Variants in ZNF507 observed in about 807,000 individuals in gnomAD.
ZNF507 encodes the protein zinc finger protein 507.
ZNF507 carries 29 observed loss-of-function variants against 80.0 expected under a neutral mutation model. The observed-to-expected ratio is 0.36, with a 90% CI of 0.27 to 0.49. ZNF507 has a LOEUF of 0.49. Ranked by LOEUF, ZNF507 falls within the 20% of genes least tolerant of loss-of-function variation. The pLI is 0.98. For missense variants in ZNF507, 1,081 were observed against 1,152.2 expected (o/e 0.94, Z 0.90); for synonymous variants, 462 against 422.5 (o/e 1.09, Z -1.15).
chr19:32,372,347 G>A (rs561429858), intron 5 of ZNF507, among the ~76,000 whole-genome samples: 2 of 152,164 alleles, frequency 1.3e-5, no homozygotes, highest in East Asian at 3.9e-4. Context: ...TCAGAAAAGG[G>A]TTTAAATAAA....
At chr19:32,364,379 T>C (rs1967368863) in intron 5 of ZNF507, among the ~76,000 whole-genome samples, 1 of 152,202 alleles carries the variant, frequency 6.6e-6, no homozygotes, top group Non-Finnish European at 1.5e-5. Flanking sequence ...AGGTGGTGTT[T>C]GGTTACATGA....
In ZNF507 at chr19:32,353,235, A is replaced by G. The variant is rs756844799; in HGVS notation, c.405A>G (p.Ser135=). 1.9e-6 allele frequency: 3 copies of G among 1,614,206 alleles called. No individual in the cohort carries two copies. Among genetic ancestry groups the G allele is most frequent in the East Asian group, 2.2e-5 (1 of 44,888 alleles). Reference sequence around the variant, plus strand: ...GTAGCCTTTGTAAGTTTCTATCATCATCCTTTTCCGTGTTAAAAGATCATA... The same window carrying G: ...GTAGCCTTTGTAAGTTTCTATCATCGTCCTTTTCCGTGTTAAAAGATCATA... The part of the protein sequence containing the change: ...YQCSLCKFLS[S]SFSVLKDHIK... Residue 135 remains serine, a synonymous_variant, in exon 3 of 7, where the codon TCA becomes TCG. Coordinates refer to ENST00000355898, the MANE Select transcript of ZNF507 (RefSeq NM_001136156.2).
intron 3 of ZNF507, among the ~76,000 whole-genome samples, chr19:32,355,501 G>A (rs1292171314): frequency 1.3e-5 from 2 of 152,102 alleles, no homozygotes; most frequent in East Asian, 3.9e-4. Flanking sequence ...TTATGGGCAG[G>A]GTAAAGAACT....
chr19:32,358,929 C>T (rs1016906921), intron 4 of ZNF507: 2 of 152,224 alleles, frequency 1.3e-5, no homozygotes, highest in East Asian at 1.9e-4. Context: ...AGAGCGAGGA[C>T]TAAGCCCAAG....
At chr19:32,352,443 G>T (rs1202749052) in intron 2 of ZNF507, among the ~76,000 whole-genome samples, 2 of 151,842 alleles carry the variant, frequency 1.3e-5, no homozygotes, top group South Asian at 2.1e-4. Flanking sequence ...CCTTGAGAAT[G>T]GCTGTGCTCC....
At chr19:32,362,328 A>C (rs1967340018) in intron 5 of ZNF507, among the ~76,000 whole-genome samples, 1 of 152,224 alleles carries the variant, frequency 6.6e-6, no homozygotes, top group Non-Finnish European at 1.5e-5. Context: ...GTATCCTTGA[A>C]TTTAGACATA....
chr19:32,366,313 C>T (rs117138133), intron 5 of ZNF507, among the ~76,000 whole-genome samples: 9,312 of 152,258 alleles, frequency 0.061, 529 homozygotes, highest in Admixed American at 0.2. Context: ...ATGCTTGTAA[C>T]ACAAACCATT....
At chr19:32,378,859 C>T (rs1967587856) in intron 5 of ZNF507, among the ~76,000 whole-genome samples, 1 of 152,106 alleles carries the variant, frequency 6.6e-6, no homozygotes, top group Non-Finnish European at 1.5e-5. Context: ...GGTGAGGCCT[C>T]GGGACCACAT....
intron 2 of ZNF507, among the ~76,000 whole-genome samples, chr19:32,351,045 CT>C (rs1461310716): frequency 6.6e-6 from 1 of 152,198 alleles, no homozygotes; most frequent in Non-Finnish European, 1.5e-5. Context: ...TCTAAAAAGA[CT>C]TTTGTTCCTT....
At position 32,383,750 on chromosome 19, in the gene ZNF507, C is replaced by T. The variant is rs1220181969; in HGVS notation, c.*667C>T. ...TTCAAGAAGTATTGTCTTAAATTTACGATGAATTTCTTGTGAGCAGAGGAC... is the reference window on the plus strand; with the variant it reads ...TTCAAGAAGTATTGTCTTAAATTTATGATGAATTTCTTGTGAGCAGAGGAC... On this transcript the variant is annotated 3_prime_UTR_variant, in exon 7 of 7. Transcript: ENST00000355898. 2 of 152,156 alleles carry T rather than the reference C, an allele frequency of 1.3e-5. No homozygotes were observed. Among genetic ancestry groups the T allele is most frequent in the East Asian group, 3.8e-4 (2 of 5,202 alleles). The allele number at this position is 152,156 out of a possible 1,614,324, so 9.4% of individuals were successfully genotyped here. A position where few individuals can be genotyped will look rare whatever the true frequency, so the allele number is the denominator to read the frequency against.
At chr19:32,378,927 CT>C (rs1165095361) in intron 5 of ZNF507, among the ~76,000 whole-genome samples, 1 of 152,158 alleles carries the variant, frequency 6.6e-6, no homozygotes, top group Non-Finnish European at 1.5e-5. Flanking sequence ...TCTGTTTCCC[CT>C]CTGCATAACA....
Position 32,353,841 on chromosome 19 carries a change from T to C in ZNF507, c.1011T>C (p.Pro337=). The change falls in exon 3 of 7, where the codon CCT becomes CCC. Residue 337 remains proline (P), a synonymous_variant. Transcript: ENST00000355898. The part of the protein sequence containing the change: ...CSSEQLSSSS[P]LEQSAERGVH... ...CAGAACAGTTATCATCTTCATCTCCTTTAGAACAGAGTGCAGAAAGAGGAG... is the reference window on the plus strand; with the variant it reads ...CAGAACAGTTATCATCTTCATCTCCCTTAGAACAGAGTGCAGAAAGAGGAG... 1 of 1,614,140 alleles carries C rather than the reference T, an allele frequency of 6.2e-7. No homozygotes were observed. Among genetic ancestry groups the C allele is most frequent in the Non-Finnish European group, 8.5e-7 (1 of 1,180,026 alleles).
chr19:32,354,101 A>T lies in ZNF507; in HGVS notation c.1271A>T (p.Lys424Met), dbSNP rs1291605120. Residue 424 changes from lysine to methionine, a missense_variant, in exon 3 of 7, where the codon AAG (lysine) becomes ATG (methionine). By Grantham distance (95) the Lys-to-Met change is moderately conservative (BLOSUM62 -1). Transcript: ENST00000355898. ...FLMNTEMEEGKDLSLTEAQIG... is the reference protein window; with the variant it reads ...FLMNTEMEEGMDLSLTEAQIG... ...ATGAACACTGAAATGGAAGAAGGGA[A>T]GGACCTGAGCCTGACAGAAGCTCAG... is the stretch of plus-strand genomic sequence containing the variant. The T allele has an allele frequency of 6.2e-7, 1 of 1,613,700 alleles. No individual in the cohort carries two copies. The highest frequency in any genetic ancestry group is 8.5e-7 in the Non-Finnish European group (1 of 1,180,034).
chr19:32,365,503 AT>A (rs1306953528), intron 5 of ZNF507, among the ~76,000 whole-genome samples: 2 of 152,080 alleles, frequency 1.3e-5, no homozygotes, highest in Non-Finnish European at 2.9e-5. Context: ...TCTTGAGTTG[AT>A]TTTTGTATAA....
At position 32,382,703 on chromosome 19, in the gene ZNF507, G is replaced by T. The variant is rs199517084; in HGVS notation, c.2496-14G>T. On this transcript the variant is annotated splice_polypyrimidine_tract_variant and intron_variant, in intron 6 of 6. Coordinates refer to ENST00000355898, the MANE Select transcript of ZNF507 (RefSeq NM_001136156.2). ...AGCCTCCTCACGGTGTGCTGTGTTT[G>T]TTTTGTTTTTAAGAGTTCTGGGGAA... 2.5e-6 allele frequency: 4 copies of T among 1,609,866 alleles called. No homozygotes were observed. Among genetic ancestry groups the T allele is most frequent in the Non-Finnish European group, 2.5e-6 (3 of 1,177,492 alleles).
intron 5 of ZNF507, among the ~76,000 whole-genome samples, chr19:32,367,899 ATTGT>A (rs1255416484): frequency 6.6e-6 from 1 of 152,168 alleles, no homozygotes; most frequent in Admixed American, 6.5e-5. Context: ...TTTTGAGAAG[ATTGT>A]TTGTGGGCCA....
At position 32,352,894 on chromosome 19, in the gene ZNF507, A is replaced by C. The variant is rs371609111; in HGVS notation, c.64A>C (p.Thr22Pro). Residue 22 changes from threonine to proline, a missense_variant, in exon 3 of 7, where the codon ACT becomes CCT. Around this residue, in one of 6 missense-constraint regions of ZNF507, gnomAD observed 275 missense variants for 303.9 expected, o/e 0.90. Coordinates refer to ENST00000355898, the MANE Select transcript of ZNF507 (RefSeq NM_001136156.2). ...TATTGGGGAACAGGAAGCTATACTG[A>C]CTGCTGAAAGTATCATCAGTCCTTC... ...PDIGEQEAIL[T>P]AESIISPSLE... 26 of 1,612,506 alleles carry C rather than the reference A, an allele frequency of 1.6e-5. No individual in the cohort carries two copies. The highest frequency in any genetic ancestry group is 2.7e-5 in the African/African-American group (2 of 74,810).
chr19:32,365,758 A>C (rs1177249130), intron 5 of ZNF507, among the ~76,000 whole-genome samples: 1 of 152,128 alleles, frequency 6.6e-6, no homozygotes, highest in African/African-American at 2.4e-5. Context: ...TTAGAAATAC[A>C]ACTGTACTGT....
At chr19:32,371,221 T>A (rs1967466657) in intron 5 of ZNF507, among the ~76,000 whole-genome samples, 1 of 152,026 alleles carries the variant, frequency 6.6e-6, no homozygotes, top group Non-Finnish European at 1.5e-5. Flanking sequence ...ACGCTTGTAA[T>A]CCCAGCACTT....
Sources: gnomAD v4.1 joint callset for allele counts (sites outside exome capture counted in the v4.1 genomes callset) on GRCh38, gnomAD v4.1.1 for gene constraint, gnomAD v4.1.1 regional missense constraint, MANE v1.5 for transcripts, NCBI Gene and HGNC (gene_info 2026-07-23, HGNC 2026-07-21) for gene names.